Variants in PPP2R3A observed in about 807,000 individuals in gnomAD.
PPP2R3A encodes the protein protein phosphatase 2 regulatory subunit B''alpha, also known as serine/threonine-protein phosphatase 2A regulatory subunit B'' subunit alpha.
In PPP2R3A, 80 loss-of-function variants were observed where a neutral mutation model predicts 106.9. That is an observed-to-expected ratio of 0.75 (90% CI 0.62 to 0.90). PPP2R3A has a LOEUF of 0.90. Ranked by LOEUF, PPP2R3A falls within the 40% of genes least tolerant of loss-of-function variation. The pLI is 0.00. For missense variants in PPP2R3A, 1,386 were observed against 1,350.4 expected, an observed-to-expected ratio of 1.03 and a Z score of -0.41; for synonymous variants, 483 against 468.3, an observed-to-expected ratio of 1.03 and a Z score of -0.41.
intron 5 of PPP2R3A, among the ~76,000 whole-genome samples, chr3:136,059,969 G>C (rs1217311689): frequency 2.0e-5 from 3 of 152,140 alleles, no homozygotes; most frequent in African/African-American, 7.2e-5. Context: ...ACAGACACTG[G>C]GTCCTGTTGA....
intron 13 of PPP2R3A, among the ~76,000 whole-genome samples, chr3:136,131,224 C>A (rs568917985): frequency 6.6e-6 from 1 of 152,274 alleles, no homozygotes; most frequent in African/African-American, 2.4e-5. Context: ...TCAGAGTGAA[C>A]AGGCAACCTA....
chr3:135,984,687 T>C (rs1281616762), intron 1 of PPP2R3A, among the ~76,000 whole-genome samples: 1 of 152,184 alleles, frequency 6.6e-6, no homozygotes, highest in African/African-American at 2.4e-5. Flanking sequence ...CCACCATGAT[T>C]GTAAGTGTCC....
chr3:136,063,828 A>G (rs1358369168), intron 5 of PPP2R3A, among the ~76,000 whole-genome samples: 2 of 150,184 alleles, frequency 1.3e-5, no homozygotes, highest in Non-Finnish European at 3.0e-5. Context: ...GGGACTGTAA[A>G]CTAGTTCAAC....
intron 13 of PPP2R3A, among the ~76,000 whole-genome samples, chr3:136,143,126 T>C (rs903958944): frequency 6.6e-6 from 1 of 152,256 alleles, no homozygotes. Context: ...CATAAACTGG[T>C]AGTCATAGGG....
At chr3:135,998,470 C>T (rs1442212270) in intron 1 of PPP2R3A, among the ~76,000 whole-genome samples, 3 of 152,048 alleles carry the variant, frequency 2.0e-5, no homozygotes, top group Non-Finnish European at 4.4e-5. Context: ...CCATTTTTTT[C>T]ATCAATCAAA....
At chr3:136,053,050 G>A (rs552519648) in intron 5 of PPP2R3A, among the ~76,000 whole-genome samples, 1 of 152,298 alleles carries the variant, frequency 6.6e-6, no homozygotes, top group East Asian at 1.9e-4. Context: ...AATACCACAT[G>A]TTCTCACTTA....
chr3:136,015,735 A>G (rs576432656), intron 2 of PPP2R3A, among the ~76,000 whole-genome samples: 23 of 152,006 alleles, frequency 1.5e-4, no homozygotes, highest in Non-Finnish European at 2.8e-4. Context: ...CTAATGGTCT[A>G]TCAATTTTGT....
Position 136,055,730 on chromosome 3 carries a change from T to G in PPP2R3A, c.2469+6369T>G, listed in dbSNP as rs895562899. 4 of 700,862 alleles carry G rather than the reference T, an allele frequency of 5.7e-6. No homozygotes were observed. The African/African-American group carries it at 7.1e-5, about 12-fold the overall frequency. 43.4% of individuals were successfully genotyped at this position (700,862 alleles called of 1,614,324 possible). A position where few individuals can be genotyped will look rare whatever the true frequency, so the allele number is the denominator to read the frequency against. ...GAGCAACTTAGAGAAATACCACTACTTGGGAAATCATCTTTATGGAATGTG... is the reference window on the plus strand; with the variant it reads ...GAGCAACTTAGAGAAATACCACTACGTGGGAAATCATCTTTATGGAATGTG... On this transcript the variant is annotated intron_variant, in intron 5 of 13. Coordinates refer to ENST00000264977, the MANE Select transcript of PPP2R3A (RefSeq NM_002718.5).
intron 13 of PPP2R3A, among the ~76,000 whole-genome samples, chr3:136,136,040 C>T (rs551667036): frequency 1.4e-4 from 13 of 94,860 alleles, no homozygotes; most frequent in Admixed American, 2.7e-4. Flanking sequence ...AGCAAGACTC[C>T]GTCTCAAAAA....
intron 1 of PPP2R3A, among the ~76,000 whole-genome samples, chr3:135,973,645 A>G (rs1324831973): frequency 9.2e-5 from 14 of 152,198 alleles, no homozygotes; most frequent in African/African-American, 2.9e-4. Flanking sequence ...AAGAGTTTTC[A>G]GGCATAGTAG....
chr3:135,976,292 C>T (rs1055235823), intron 1 of PPP2R3A, among the ~76,000 whole-genome samples: 1 of 152,130 alleles, frequency 6.6e-6, no homozygotes, highest in African/African-American at 2.4e-5. Flanking sequence ...TTTCTTCATC[C>T]CTTCATGTGT....
At chr3:136,065,822 T>C (rs546544862) in intron 5 of PPP2R3A, among the ~76,000 whole-genome samples, 1 of 152,260 alleles carries the variant, frequency 6.6e-6, no homozygotes, top group African/African-American at 2.4e-5. Context: ...ACAACAGATG[T>C]GCACCACCAC....
At chr3:136,014,445 A>G (rs1318604461) in intron 2 of PPP2R3A, among the ~76,000 whole-genome samples, 2 of 152,154 alleles carry the variant, frequency 1.3e-5, no homozygotes, top group South Asian at 2.1e-4. Flanking sequence ...CTACCCACCC[A>G]TCCATGAGCA....
At chr3:136,127,654 TAC>T (rs1433595106) in intron 13 of PPP2R3A, among the ~76,000 whole-genome samples, 11 of 152,038 alleles carry the variant, frequency 7.2e-5, no homozygotes, top group Admixed American at 1.3e-4. Context: ...ATTCAGGAAA[TAC>T]AGAGAACACC....
chr3:135,981,874 G>A lies in PPP2R3A; in HGVS notation c.-441+16025G>A, dbSNP rs1348432888. On this transcript the variant is annotated intron_variant, in intron 1 of 13. Coordinates refer to ENST00000264977, the MANE Select transcript of PPP2R3A (RefSeq NM_002718.5). Reference sequence around the variant, plus strand: ...GTCAGGGAGGTGGTTAGCAGACTGAGCTATTAAAGGCCATGGGAGAGGAGT... The same window carrying A: ...GTCAGGGAGGTGGTTAGCAGACTGAACTATTAAAGGCCATGGGAGAGGAGT... 4.0e-5 allele frequency among the ~76,000 whole-genome samples: 6 copies of A among 151,738 alleles called. 1 individual carries two copies. The highest frequency in any genetic ancestry group is 1.5e-4 in the African/African-American group (6 of 41,022).
intron 1 of PPP2R3A, among the ~76,000 whole-genome samples, chr3:135,986,979 G>A (rs1932948850): frequency 6.6e-6 from 1 of 152,050 alleles, no homozygotes; most frequent in Admixed American, 6.6e-5. Flanking sequence ...ACTAAAGCCA[G>A]TCAGACTTCT....
chr3:136,030,314 A>AATTT (rs112610552), intron 3 of PPP2R3A, among the ~76,000 whole-genome samples: 4 of 144,014 alleles, frequency 2.8e-5, no homozygotes, highest in African/African-American at 9.8e-5. Flanking sequence ...TGAGTGTGTC[A>AATTT]GTTTGTTTTT....
Position 136,082,566 on chromosome 3 carries a change from G to T in PPP2R3A, c.2788+145G>T, listed in dbSNP as rs112291994. ...GCCAATAATTTTTAAGAGGGGATGA[G>T]TGAAGATAATATAATTTTTTATTAA... On this transcript the variant is annotated intron_variant, in intron 8 of 13. Coordinates refer to ENST00000264977, the MANE Select transcript of PPP2R3A (RefSeq NM_002718.5). The T allele has an allele frequency of 9.2e-4, 758 of 823,394 alleles. 6 individuals carry two copies. The African/African-American group carries it at 0.012, about 13-fold the overall frequency. 51.0% of individuals were successfully genotyped at this position (823,394 alleles called of 1,614,324 possible).
In PPP2R3A at chr3:136,062,382, A is replaced by G. The variant is rs538706639; in HGVS notation, c.2470-8096A>G. On this transcript the variant is annotated intron_variant, in intron 5 of 13. Coordinates refer to ENST00000264977, the MANE Select transcript of PPP2R3A (RefSeq NM_002718.5). ...TTCCTCCAAGCAGGTCTTCTCCATG[A>G]TGGGGGAGAGGGAGGCAAGGAGCAA... Among the ~76,000 whole-genome samples, 10 of 152,210 alleles carry G rather than the reference A, an allele frequency of 6.6e-5. No homozygotes were observed. The South Asian group carries it at 2.1e-3, about 32-fold the overall frequency.
Sources: allele counts gnomAD v4.1 joint callset (sites outside exome capture counted in the v4.1 genomes callset), GRCh38; gene constraint gnomAD v4.1.1; transcripts MANE v1.5; gene names NCBI Gene and HGNC (gene_info 2026-07-23, HGNC 2026-07-21).